Variants in TMEM135 observed in about 807,000 individuals in gnomAD.
TMEM135 encodes peroxisomal membrane protein 52.
TMEM135 carries 30 observed loss-of-function variants against 60.3 expected under a neutral mutation model. The ratio of observed to expected loss-of-function variants is 0.50; its 90% CI spans 0.37 to 0.68. The LOEUF (loss-of-function observed/expected upper bound fraction) is 0.68, where lower values mean the gene tolerates loss of function less well. Among genes scored for constraint, TMEM135 ranks in the 30% least tolerant of loss-of-function variants. The pLI is 0.00. For synonymous variants in TMEM135, 190 were observed against 186.7 expected (o/e 1.02, Z -0.14); for missense variants, 468 against 548.8 (o/e 0.85, Z 1.47).
chr11:87,092,550 G>T (rs1857232186), intron 4 of TMEM135, among the ~76,000 whole-genome samples: 1 of 152,140 alleles, frequency 6.6e-6, no homozygotes, highest in Admixed American at 6.6e-5. Context: ...AAAATTAGGA[G>T]TTCTAAGGAC....
intron 4 of TMEM135, among the ~76,000 whole-genome samples, chr11:87,123,558 A>G (rs1237547125): frequency 1.4e-5 from 2 of 144,994 alleles, no homozygotes; most frequent in African/African-American, 5.1e-5. Context: ...CACTTTCACA[A>G]GAACCAACAT....
intron 4 of TMEM135, among the ~76,000 whole-genome samples, chr11:87,131,807 G>A (rs979552723): frequency 6.6e-6 from 1 of 152,160 alleles, no homozygotes; most frequent in Admixed American, 6.5e-5. Flanking sequence ...CATACAACAG[G>A]AGGTGAATGG....
chr11:87,076,661 G>A (rs1252160721), intron 3 of TMEM135, among the ~76,000 whole-genome samples: 3 of 152,174 alleles, frequency 2.0e-5, no homozygotes, highest in Admixed American at 1.3e-4. Context: ...ATCTGTAGTG[G>A]GCATGTCTCA....
intron 5 of TMEM135, among the ~76,000 whole-genome samples, chr11:87,217,102 G>T (rs1315085591): frequency 6.6e-6 from 1 of 152,156 alleles, no homozygotes; most frequent in South Asian, 2.1e-4. Context: ...AAAGAAAAAT[G>T]TAATAAATAA....
chr11:87,251,206 CA>C (rs1457632167), intron 6 of TMEM135, among the ~76,000 whole-genome samples: 13 of 148,050 alleles, frequency 8.8e-5, no homozygotes, highest in Admixed American at 1.4e-4. Context: ...TAGGAGTTAT[CA>C]GCATGTAGAT....
chr11:87,275,489 A>G (rs1218680492), intron 6 of TMEM135, among the ~76,000 whole-genome samples: 1 of 152,094 alleles, frequency 6.6e-6, no homozygotes, highest in Non-Finnish European at 1.5e-5. Flanking sequence ...ATTAAAAAAA[A>G]AATAACCAAA....
intron 1 of TMEM135, among the ~76,000 whole-genome samples, chr11:87,043,747 A>G (rs1307141293): frequency 6.6e-6 from 1 of 151,626 alleles, no homozygotes; most frequent in Admixed American, 6.6e-5. Flanking sequence ...ACAAACAAAA[A>G]AAACTGTTTA....
At chr11:87,271,478 T>C (rs1941861462) in intron 6 of TMEM135, among the ~76,000 whole-genome samples, 1 of 152,218 alleles carries the variant, frequency 6.6e-6, no homozygotes, top group African/African-American at 2.4e-5. Context: ...TATTGAGCCC[T>C]TGAAATGTGG....
At chr11:87,321,089 C>A (rs1247524854) in intron 14 of TMEM135, 112 bp from the exon 15 acceptor site, 3 of 936,004 alleles carry the variant, frequency 3.2e-6, no homozygotes, top group Non-Finnish European at 4.7e-6. Context: ...AGATCCTTTG[C>A]CACGTTAGCC....
intron 3 of TMEM135, among the ~76,000 whole-genome samples, chr11:87,079,386 T>G (rs1406362222): frequency 6.6e-6 from 1 of 152,232 alleles, no homozygotes; most frequent in Non-Finnish European, 1.5e-5. Context: ...TCGTCGGTAG[T>G]GTGAAGTAGA....
chr11:87,059,602 T>C (rs964599500), intron 1 of TMEM135, among the ~76,000 whole-genome samples: 1 of 152,272 alleles, frequency 6.6e-6, no homozygotes. Context: ...AGGCATGAGC[T>C]ACCACACCTG....
At chr11:87,068,543 GC>G (rs1856710245) in intron 2 of TMEM135, among the ~76,000 whole-genome samples, 1 of 152,140 alleles carries the variant, frequency 6.6e-6, no homozygotes, top group Non-Finnish European at 1.5e-5. Context: ...GGGCGCGGTG[GC>G]TCACGCCTGT....
rs1942900065 is a variant in TMEM135 at position 87,325,557 on chromosome 11, G to T, written c.*4224G>T. ...TGCTGCTCCCTCTCCCTGCCACCTT[G>T]TCCATTCTCTGCTTGCTGGTGTTAC... On this transcript the variant is annotated 3_prime_UTR_variant, in exon 15 of 15. Transcript: ENST00000305494. 2 of 453,564 alleles carry T rather than the reference G, an allele frequency of 4.4e-6. No individual in the cohort carries two copies. The highest frequency in any genetic ancestry group is 8.8e-6 in the Non-Finnish European group (2 of 226,728). 28.1% of individuals were successfully genotyped at this position (453,564 alleles called of 1,614,324 possible). A position where few individuals can be genotyped will look rare whatever the true frequency, so the allele number is the denominator to read the frequency against.
intron 3 of TMEM135, among the ~76,000 whole-genome samples, chr11:87,082,422 T>C (rs896533926): frequency 2.6e-5 from 4 of 152,202 alleles, no homozygotes; most frequent in African/African-American, 9.7e-5. Flanking sequence ...TTATTACATC[T>C]AGTGCCAAAA....
chr11:87,150,071 G>C (rs1032228422), intron 4 of TMEM135, among the ~76,000 whole-genome samples: 2 of 151,966 alleles, frequency 1.3e-5, no homozygotes, highest in Non-Finnish European at 2.9e-5. Flanking sequence ...AAAAAAATTA[G>C]CTGGGCATGG....
intron 1 of TMEM135, among the ~76,000 whole-genome samples, chr11:87,046,659 G>A (rs535057631): frequency 3.9e-5 from 6 of 152,274 alleles, no homozygotes; most frequent in African/African-American, 1.4e-4. Context: ...AGAGATTTAG[G>A]TTTATATGTC....
intron 1 of TMEM135, among the ~76,000 whole-genome samples, chr11:87,054,362 A>G (rs1278809186): frequency 6.6e-6 from 1 of 152,188 alleles, no homozygotes; most frequent in Non-Finnish European, 1.5e-5. Context: ...TGGAGCCCGG[A>G]GGCAGAGGTT....
chr11:87,325,866 AT>A lies in TMEM135; in HGVS notation c.*4537del, dbSNP rs1205630574. On this transcript the variant is annotated 3_prime_UTR_variant, in exon 15 of 15. Transcript: ENST00000305494. Reference sequence around the variant, plus strand: ...ACATCACTTGACTCTGGAATTTCCTATTTTCTTTTACTTTCTCCATTTTTTT... The same window carrying A: ...ACATCACTTGACTCTGGAATTTCCTATTTCTTTTACTTTCTCCATTTTTTT... 2 of 453,440 alleles carry A rather than the reference AT, an allele frequency of 4.4e-6. No homozygotes were observed. Among genetic ancestry groups the A allele is most frequent in the East Asian group, 1.4e-4 (2 of 14,358 alleles). The allele number at this position is 453,440 out of a possible 1,614,324, so 28.1% of individuals were successfully genotyped here. A position where few individuals can be genotyped will look rare whatever the true frequency, so the allele number is the denominator to read the frequency against.
intron 6 of TMEM135, among the ~76,000 whole-genome samples, chr11:87,237,635 AT>A (rs1264357539): frequency 6.6e-6 from 1 of 152,012 alleles, no homozygotes; most frequent in Non-Finnish European, 1.5e-5. Flanking sequence ...ATACAGGGAT[AT>A]GATGAATAAT....
Sources: allele counts gnomAD v4.1 joint callset (sites outside exome capture counted in the v4.1 genomes callset), GRCh38; gene constraint gnomAD v4.1.1; transcripts MANE v1.5; gene names NCBI Gene and HGNC (gene_info 2026-07-23, HGNC 2026-07-21).